SKIC3: variants seen among roughly 807,000 people sequenced by gnomAD.
SKIC3 encodes the protein superkiller complex protein 3.
chr5:95,515,881 T>C, the SKIC3 span, among the ~76,000 whole-genome samples: 1 of 152,128 alleles, frequency 6.6e-6, no homozygotes, highest in Non-Finnish European at 1.5e-5. Context: ...TAATGTATAA[T>C]TGCTCAAGTA....
chr5:95,502,890 G>C, the SKIC3 span: 1 of 1,613,644 alleles, frequency 6.2e-7, no homozygotes, highest in Non-Finnish European at 8.5e-7. Context: ...CATTTAAATA[G>C]CAATGTCTTG....
At chr5:95,549,209 C>G in the SKIC3 span, among the ~76,000 whole-genome samples, 1 of 151,916 alleles carries the variant, frequency 6.6e-6, no homozygotes, top group Non-Finnish European at 1.5e-5. Flanking sequence ...TTGCTCTACT[C>G]AGAGGCAAAT....
chr5:95,498,676 A>C, the SKIC3 span: 9 of 1,261,616 alleles, frequency 7.1e-6, no homozygotes, highest in Middle Eastern at 2.7e-4. Flanking sequence ...CCCAGGCTGG[A>C]GTGCAGTGGC....
the SKIC3 span, chr5:95,520,689 A>G: frequency 1.3e-6 from 2 of 1,552,780 alleles, no homozygotes; most frequent in Non-Finnish European, 1.8e-6. Flanking sequence ...ACAAAAATAA[A>G]CAATAAATAA....
chr5:95,473,182 TC>T, the SKIC3 span, among the ~76,000 whole-genome samples: 1 of 152,204 alleles, frequency 6.6e-6, no homozygotes, highest in Non-Finnish European at 1.5e-5. Flanking sequence ...CAAACTGCTT[TC>T]CACAGTGGCT....
At chr5:95,493,396 A>G in the SKIC3 span, among the ~76,000 whole-genome samples, 1 of 152,162 alleles carries the variant, frequency 6.6e-6, no homozygotes, top group African/African-American at 2.4e-5. Context: ...TCTAAAGTTT[A>G]TGTCCTTACA....
At chr5:95,522,246 C>G in the SKIC3 span, 1 of 1,613,744 alleles carries the variant, frequency 6.2e-7, no homozygotes, top group Non-Finnish European at 8.5e-7. Flanking sequence ...CTTAAGTATG[C>G]TTCTCCTAAC....
At chr5:95,542,338 G>A in the SKIC3 span, among the ~76,000 whole-genome samples, 1 of 152,052 alleles carries the variant, frequency 6.6e-6, no homozygotes, top group East Asian at 1.9e-4. Context: ...ACAACTTGAT[G>A]TTTTGATATA....
chr5:95,480,337 C>T, the SKIC3 span, among the ~76,000 whole-genome samples: 1 of 152,008 alleles, frequency 6.6e-6, no homozygotes, highest in Non-Finnish European at 1.5e-5. Context: ...TGCTCAGATT[C>T]AGGAAATATA....
chr5:95,486,875 G>A, the SKIC3 span, among the ~76,000 whole-genome samples: 66 of 152,258 alleles, frequency 4.3e-4, 2 homozygotes, highest in South Asian at 0.013. Context: ...CACACCACGT[G>A]TGCTGCCCAG....
At chr5:95,541,396 A>C in the SKIC3 span, 1 of 1,611,506 alleles carries the variant, frequency 6.2e-7, no homozygotes, top group Non-Finnish European at 8.5e-7. Context: ...AACAAAACAA[A>C]ACACACACAC....
At chr5:95,495,675 C>A in the SKIC3 span, among the ~76,000 whole-genome samples, 1 of 152,118 alleles carries the variant, frequency 6.6e-6, no homozygotes, top group South Asian at 2.1e-4. Context: ...CTAAAAATAA[C>A]TAAAAATATG....
chr5:95,501,113 G>A, the SKIC3 span, among the ~76,000 whole-genome samples: 3 of 151,866 alleles, frequency 2.0e-5, no homozygotes, highest in African/African-American at 7.2e-5. Context: ...AACTAAAAAA[G>A]CCAAAAAGCA....
chr5:95,466,752 C>T, the SKIC3 span, among the ~76,000 whole-genome samples: 1 of 152,100 alleles, frequency 6.6e-6, no homozygotes, highest in African/African-American at 2.4e-5. Flanking sequence ...CCTTCAACTT[C>T]TTTAGAGTCC....
chr5:95,523,894 C>A, the SKIC3 span: 1 of 1,475,062 alleles, frequency 6.8e-7, no homozygotes, highest in Non-Finnish European at 9.4e-7. Flanking sequence ...AGTATCTTTA[C>A]AAATACAGAA....
At chr5:95,490,502 A>ATTTTT in the SKIC3 span, among the ~76,000 whole-genome samples, 1 of 137,614 alleles carries the variant, frequency 7.3e-6, no homozygotes, top group African/African-American at 2.9e-5. Context: ...ATATATATAT[A>ATTTTT]TATTTTTTTT....
chr5:95,499,702 A>G, the SKIC3 span, among the ~76,000 whole-genome samples: 41 of 152,300 alleles, frequency 2.7e-4, no homozygotes, highest in Middle Eastern at 3.4e-3. Context: ...TCTTTCTGAT[A>G]AAGATTTGTC....
the SKIC3 span, among the ~76,000 whole-genome samples, chr5:95,507,605 T>A: frequency 2.0e-5 from 3 of 152,138 alleles, no homozygotes; most frequent in East Asian, 5.8e-4. Flanking sequence ...AGATTTTTGG[T>A]TTTTATTTTC....
the SKIC3 span, among the ~76,000 whole-genome samples, chr5:95,537,365 C>T: frequency 1.2e-4 from 18 of 152,306 alleles, no homozygotes; most frequent in African/African-American, 4.1e-4. Flanking sequence ...AACAACTATA[C>T]ATTAACAACA....
Sources: allele counts gnomAD v4.1 joint callset (sites outside exome capture counted in the v4.1 genomes callset), GRCh38; gene constraint gnomAD v4.1.1; transcripts MANE v1.5; gene names NCBI Gene and HGNC (gene_info 2026-07-23, HGNC 2026-07-21).